The following ZFHX3 variants were observed in gnomAD, a reference collection of about 807,000 sequenced individuals.
ZFHX3 encodes zinc finger homeobox 3.
ZFHX3 carries 42 observed loss-of-function variants against 279.1 expected under a neutral mutation model. The ratio of observed to expected loss-of-function variants is 0.15; its 90% CI spans 0.12 to 0.19. The LOEUF (loss-of-function observed/expected upper bound fraction) is 0.19, where lower values mean the gene tolerates loss of function less well. ZFHX3 is among the 10% of genes least tolerant of loss of function. ZFHX3 has a pLI of 1.00. For missense variants in ZFHX3, 4,981 were observed against 4,754.0 expected (o/e 1.05, Z -1.40); for synonymous variants, 2,293 against 1,957.8 (o/e 1.17, Z -4.52).
At chr16:73,877,059 A>T (rs2029972581) in intron 1 of ZFHX3, among the ~76,000 whole-genome samples, 1 of 151,994 alleles carries the variant, frequency 6.6e-6, no homozygotes, top group Non-Finnish European at 1.5e-5. Context: ...AACAACAACA[A>T]CAAGGTAAGG....
chr16:73,453,986 C>T (rs865952998), intron 3 of ZFHX3, among the ~76,000 whole-genome samples: 6 of 152,130 alleles, frequency 3.9e-5, no homozygotes, highest in Non-Finnish European at 7.4e-5. Flanking sequence ...GGTGGTGAAA[C>T]AGCCAAACCG....
At chr16:73,307,162 T>C (rs1292479560) in intron 4 of ZFHX3, among the ~76,000 whole-genome samples, 1 of 152,228 alleles carries the variant, frequency 6.6e-6, no homozygotes, top group East Asian at 1.9e-4. Context: ...ATACAGTAGC[T>C]GAGGAGATAG....
chr16:73,338,743 G>T (rs1041184921), intron 3 of ZFHX3, among the ~76,000 whole-genome samples: 5 of 152,096 alleles, frequency 3.3e-5, no homozygotes, highest in Admixed American at 6.6e-5. Context: ...GTTTGGATGT[G>T]TGTCCCTGCT....
At position 73,576,190 on chromosome 16, in the gene ZFHX3, C is replaced by T. The variant is rs543702901; in HGVS notation, c.-1547+103990G>A. Among the ~76,000 whole-genome samples, 10 of 152,252 alleles carry T rather than the reference C, an allele frequency of 6.6e-5. No individual in the cohort carries two copies. In the East Asian group the frequency reaches 1.9e-3, roughly 29 times the overall value. On this transcript the variant is annotated intron_variant, in intron 2 of 17. Transcript: ENST00000641206. ...AAAACAATCCCCATTTAAGCAGTGA[C>T]AGCCAGGACTCCGTAATCTGTACAT...
intron 3 of ZFHX3, among the ~76,000 whole-genome samples, chr16:73,375,434 C>T (rs2016706095): frequency 6.6e-6 from 1 of 152,058 alleles, no homozygotes; most frequent in Admixed American, 6.6e-5. Flanking sequence ...TATTTAGAAG[C>T]CATAATTTGG....
intron 1 of ZFHX3, among the ~76,000 whole-genome samples, chr16:73,689,223 C>T (rs1458977272): frequency 6.6e-6 from 1 of 152,154 alleles, no homozygotes; most frequent in Admixed American, 6.5e-5. Context: ...TACGTGAAAC[C>T]TCTAAAGTTC....
chr16:72,958,224 T>C lies in ZFHX3; in HGVS notation c.1922A>G (p.Glu641Gly), dbSNP rs1473386270. ...VGECPSGSGV[E>G]CPKCDTVLGS... ...CAGGACCGTGTCGCATTTGGGGCACTCCACGCCACTCCCCGAGGGGCACTC... is the reference window on the plus strand; with the variant it reads ...CAGGACCGTGTCGCATTTGGGGCACCCCACGCCACTCCCCGAGGGGCACTC... The change falls in exon 2 of 10, where the codon GAG becomes GGG. Residue 641 changes from glutamate (E) to glycine (G), a missense_variant. This residue lies in a region of ZFHX3 where 1,068 missense variants were observed against 935.2 expected (regional missense o/e 1.14). Coordinates refer to ENST00000268489, the MANE Select transcript of ZFHX3 (RefSeq NM_006885.4). 6.2e-7 allele frequency: 1 copy of C among 1,612,560 alleles called. No homozygotes were observed. The highest frequency in any genetic ancestry group is 8.5e-7 in the Non-Finnish European group (1 of 1,178,716).
chr16:73,625,216 C>G (rs909583631), intron 2 of ZFHX3, among the ~76,000 whole-genome samples: 3 of 152,164 alleles, frequency 2.0e-5, no homozygotes, highest in African/African-American at 2.4e-5. Context: ...ATTACGCATG[C>G]AAAGTCTGCT....
chr16:73,475,908 C>T (rs559245088), intron 2 of ZFHX3, among the ~76,000 whole-genome samples: 1 of 152,190 alleles, frequency 6.6e-6, no homozygotes, highest in Non-Finnish European at 1.5e-5. Context: ...GATTCCAAAT[C>T]ATAGGTCTTT....
intron 1 of ZFHX3, among the ~76,000 whole-genome samples, chr16:73,810,830 G>A (rs1156614807): frequency 6.6e-6 from 1 of 152,070 alleles, no homozygotes; most frequent in Admixed American, 6.6e-5. Flanking sequence ...TGTAAAAGGG[G>A]TTAGTTAACT....
intron 3 of ZFHX3, among the ~76,000 whole-genome samples, chr16:72,916,455 C>T (rs930102906): frequency 6.6e-6 from 1 of 152,158 alleles, no homozygotes; most frequent in South Asian, 2.1e-4. Context: ...CCTCTCCTGT[C>T]CAGCGTTTCT....
At chr16:73,188,872 T>C (rs1273731079) in intron 5 of ZFHX3, among the ~76,000 whole-genome samples, 5 of 151,776 alleles carry the variant, frequency 3.3e-5, no homozygotes, top group East Asian at 1.9e-4. Context: ...TTTTCTTTTT[T>C]TTTTTTTTTG....
intron 3 of ZFHX3, among the ~76,000 whole-genome samples, chr16:72,905,821 G>C (rs1286782571): frequency 6.6e-6 from 1 of 152,160 alleles, no homozygotes; most frequent in Non-Finnish European, 1.5e-5. Context: ...CAGAATGAGG[G>C]GGACATCTTT....
At chr16:73,839,413 T>A (rs905764227) in intron 1 of ZFHX3, among the ~76,000 whole-genome samples, 1 of 149,364 alleles carries the variant, frequency 6.7e-6, no homozygotes, top group East Asian at 2.0e-4. Context: ...TTGGAGTATT[T>A]GGTATACCTT....
chr16:73,741,259 T>C (rs367751681), intron 1 of ZFHX3, among the ~76,000 whole-genome samples: 9 of 152,200 alleles, frequency 5.9e-5, no homozygotes, highest in African/African-American at 1.9e-4. Flanking sequence ...TGACTACATA[T>C]GGAAATACAA....
intron 1 of ZFHX3, among the ~76,000 whole-genome samples, chr16:73,023,620 T>C (rs1458620875): frequency 6.6e-6 from 1 of 152,196 alleles, no homozygotes; most frequent in Admixed American, 6.5e-5. Flanking sequence ...GGAAGACCCC[T>C]AATGCATCCT....
At chr16:73,549,837 G>A (rs985064747) in intron 2 of ZFHX3, among the ~76,000 whole-genome samples, 2 of 150,438 alleles carry the variant, frequency 1.3e-5, no homozygotes, top group Admixed American at 6.6e-5. Flanking sequence ...TTTCTGGATC[G>A]GACGAGCGCT....
intron 3 of ZFHX3, among the ~76,000 whole-genome samples, chr16:73,449,043 C>T (rs748688765): frequency 6.6e-6 from 1 of 152,092 alleles, no homozygotes; most frequent in Non-Finnish European, 1.5e-5. Context: ...ATAATTGCAA[C>T]ACTGAAATAT....
chr16:73,423,589 C>T (rs902975936), intron 3 of ZFHX3, among the ~76,000 whole-genome samples: 4 of 152,186 alleles, frequency 2.6e-5, no homozygotes, highest in Non-Finnish European at 5.9e-5. Flanking sequence ...TGGCTGGGCA[C>T]AGTGGCTCAT....
Sources: gnomAD v4.1 joint callset for allele counts (sites outside exome capture counted in the v4.1 genomes callset) on GRCh38, gnomAD v4.1.1 for gene constraint, gnomAD v4.1.1 regional missense constraint, MANE v1.5 for transcripts, NCBI Gene and HGNC (gene_info 2026-07-23, HGNC 2026-07-21) for gene names.